Variants in DNAH5 observed in about 807,000 individuals in gnomAD.
DNAH5 encodes the protein dynein axonemal heavy chain 5.
Under a neutral mutation model 518.2 loss-of-function variants are expected in DNAH5, and 372 were observed. The observed-to-expected ratio is 0.72, with a 90% CI of 0.66 to 0.78. DNAH5 has a LOEUF of 0.78. DNAH5 is among the 30% of genes least tolerant of loss of function. The probability of loss-of-function intolerance (pLI) is 0.00; values close to 1 mark genes in which losing one functional copy is unlikely to be tolerated. For missense variants in DNAH5, 5,523 were observed against 5,687.0 expected (o/e 0.97, Z 0.93); for synonymous variants, 2,039 against 2,025.9 (o/e 1.01, Z -0.17).
At chr5:13,799,675 C>T (rs1009158828) in intron 47 of DNAH5, among the ~76,000 whole-genome samples, 5 of 152,156 alleles carry the variant, frequency 3.3e-5, no homozygotes, top group African/African-American at 9.7e-5. Context: ...AGGCCTGAAA[C>T]ACAACACAGG....
At position 13,917,080 on chromosome 5, in the gene DNAH5, T is replaced by A. The variant is rs183255828; in HGVS notation, c.1089+63A>T. The A allele has an allele frequency of 7.8e-5, 100 of 1,280,110 alleles. 1 individual carries two copies. In the East Asian group the frequency reaches 1.7e-3, roughly 22 times the overall value. 79.3% of individuals were successfully genotyped at this position (1,280,110 alleles called of 1,614,324 possible). ...AATATTGATGAAACAAAATTCAATA[T>A]TCAATTCAGCTAGTGCAAAAAGGGT... On this transcript the variant is annotated intron_variant, in intron 8 of 78. Transcript: ENST00000265104.
intron 30 of DNAH5, among the ~76,000 whole-genome samples, chr5:13,856,203 C>A (rs1224811365): frequency 6.6e-6 from 1 of 152,192 alleles, no homozygotes; most frequent in East Asian, 1.9e-4. Flanking sequence ...ATCAATGAAT[C>A]CAGGAGCTGG....
intron 1 of DNAH5, among the ~76,000 whole-genome samples, chr5:13,968,781 T>C (rs1203617096): frequency 6.6e-6 from 1 of 152,220 alleles, no homozygotes; most frequent in African/African-American, 2.4e-5. Flanking sequence ...TTTTCTTTCT[T>C]TGTTATGTCG....
At chr5:13,848,214 A>G (rs1287308927) in intron 31 of DNAH5, among the ~76,000 whole-genome samples, 1 of 152,050 alleles carries the variant, frequency 6.6e-6, no homozygotes, top group Non-Finnish European at 1.5e-5. Flanking sequence ...AATCCCTAAG[A>G]CTCCATTTTT....
intron 5 of DNAH5, among the ~76,000 whole-genome samples, chr5:13,921,496 C>T (rs1347148091): frequency 6.6e-6 from 1 of 150,976 alleles, no homozygotes; most frequent in African/African-American, 2.4e-5. Context: ...CACACACACA[C>T]ACACACACAC....
chr5:13,901,698 G>T, intron 13 of DNAH5, 125 bp from the exon 14 acceptor site: 3 of 640,162 alleles, frequency 4.7e-6, no homozygotes, highest in Non-Finnish European at 7.4e-6. Context: ...AAAAGAATGA[G>T]ATATTTACAT....
chr5:13,780,846 G>A lies in DNAH5; in HGVS notation c.8934C>T (p.Phe2978=). ...LASFIAGYVS[F]QITLTRSYNT... ...GTTGTCACCTCGTCAGAGTGATCTG[G>A]AAGGAAACGTAGCCAGCAATGAATG... Residue 2978 remains phenylalanine (F), a synonymous_variant, in exon 53 of 79, where the codon TTC becomes TTT. Transcript: ENST00000265104. 1 of 1,613,670 alleles carries A rather than the reference G, an allele frequency of 6.2e-7. No individual in the cohort carries two copies. The highest frequency in any genetic ancestry group is 8.5e-7 in the Non-Finnish European group (1 of 1,179,734).
At chr5:13,968,847 T>C (rs1285637092) in intron 1 of DNAH5, among the ~76,000 whole-genome samples, 1 of 152,190 alleles carries the variant, frequency 6.6e-6, no homozygotes, top group African/African-American at 2.4e-5. Flanking sequence ...TTAGGGAGGA[T>C]TCCCTCTTTC....
chr5:13,865,965 T>C (rs1769186309), intron 26 of DNAH5, 59 bp from the exon 27 acceptor site: 1 of 1,236,168 alleles, frequency 8.1e-7, no homozygotes, highest in South Asian at 1.2e-5. Flanking sequence ...AACATACAAA[T>C]GAAAATATAA....
chr5:13,854,346 C>T (rs1420169091), intron 30 of DNAH5, among the ~76,000 whole-genome samples: 1 of 152,096 alleles, frequency 6.6e-6, no homozygotes, highest in East Asian at 1.9e-4. Flanking sequence ...ACCAGGCCTG[C>T]CTTACAAGAG....
intron 52 of DNAH5, among the ~76,000 whole-genome samples, chr5:13,782,949 C>G (rs1755409750): frequency 6.6e-6 from 1 of 152,160 alleles, no homozygotes; most frequent in Non-Finnish European, 1.5e-5. Context: ...AATGTCCACC[C>G]TGCCCCTCAG....
intron 1 of DNAH5, among the ~76,000 whole-genome samples, chr5:13,954,382 G>A (rs560457263): frequency 8.5e-5 from 13 of 152,300 alleles, no homozygotes; most frequent in East Asian, 3.9e-4. Context: ...GAGTCGACAC[G>A]TGGAAAATAT....
intron 7 of DNAH5, among the ~76,000 whole-genome samples, chr5:13,918,602 CTGGGA>C (rs1471133282): frequency 2.0e-5 from 3 of 152,176 alleles, no homozygotes; most frequent in Non-Finnish European, 2.9e-5. Flanking sequence ...TCCCAAGTAG[CTGGGA>C]CTACAGGCAC....
chr5:13,862,464 T>G, intron 29 of DNAH5, 84 bp downstream of exon 29: 1 of 1,311,654 alleles, frequency 7.6e-7, no homozygotes, highest in Non-Finnish European at 1.1e-6. Flanking sequence ...ATGAAGGCTA[T>G]TATTGTAATG....
intron 33 of DNAH5, 147 bp downstream of exon 33, chr5:13,841,545 G>A (rs1765166179): frequency 3.0e-6 from 2 of 659,422 alleles, no homozygotes; most frequent in Admixed American, 5.3e-5. Flanking sequence ...AAATCTGAAA[G>A]GTTAAGTATA....
At chr5:13,820,275 T>C in intron 41 of DNAH5, 71 bp downstream of exon 41, 2 of 1,514,538 alleles carry the variant, frequency 1.3e-6, no homozygotes, top group East Asian at 2.3e-5. Context: ...TGTGTATCCC[T>C]CTTGGGCATT....
intron 33 of DNAH5, 56 bp from the exon 34 acceptor site, chr5:13,841,186 T>G (rs1765110652): frequency 2.9e-6 from 4 of 1,364,098 alleles, no homozygotes; most frequent in Non-Finnish European, 4.2e-6. Context: ...TGTATTTAAA[T>G]AGAAATACAA....
At chr5:13,923,239 T>G (rs1382988013) in intron 4 of DNAH5, 41 bp downstream of exon 4, 1 of 1,612,696 alleles carries the variant, frequency 6.2e-7, no homozygotes, top group Non-Finnish European at 8.5e-7. Context: ...AGTTGTGTGT[T>G]TTTTGGTAAT....
At chr5:13,706,124 GTC>G (rs1262837705) in intron 76 of DNAH5, among the ~76,000 whole-genome samples, 1 of 152,208 alleles carries the variant, frequency 6.6e-6, no homozygotes, top group Non-Finnish European at 1.5e-5. Flanking sequence ...CTCCTCAAGT[GTC>G]TACCTTCCCA....
Sources: gnomAD v4.1 joint callset for allele counts (sites outside exome capture counted in the v4.1 genomes callset) on GRCh38, gnomAD v4.1.1 for gene constraint, MANE v1.5 for transcripts, NCBI Gene and HGNC (gene_info 2026-07-23, HGNC 2026-07-21) for gene names.